Variants in PHACTR1 observed in about 807,000 individuals in gnomAD.
PHACTR1 encodes the protein phosphatase and actin regulator 1.
In PHACTR1, 16 loss-of-function variants were observed where a neutral mutation model predicts 69.2. That is an observed-to-expected ratio of 0.23 (90% CI 0.16 to 0.35). The LOEUF is 0.35. PHACTR1 is among the 10% of genes least tolerant of loss of function. PHACTR1 has a pLI of 1.00. For synonymous variants in PHACTR1, 312 were observed against 284.5 expected (o/e 1.10, Z -0.97); for missense variants, 510 against 734.7 (o/e 0.69, Z 3.54).
intron 4 of PHACTR1, among the ~76,000 whole-genome samples, chr6:12,869,749 C>T (rs1479903937): frequency 6.6e-6 from 1 of 152,218 alleles, no homozygotes; most frequent in Non-Finnish European, 1.5e-5. Flanking sequence ...TCTCTATCTT[C>T]TCTGTCTGTG....
intron 5 of PHACTR1, among the ~76,000 whole-genome samples, chr6:13,147,592 G>A (rs1314223019): frequency 6.6e-6 from 1 of 152,152 alleles, no homozygotes. Context: ...CTGCACTCTT[G>A]TCTGACCTAT....
intron 4 of PHACTR1, among the ~76,000 whole-genome samples, chr6:12,760,002 A>G (rs1287592400): frequency 6.6e-6 from 1 of 152,226 alleles, no homozygotes; most frequent in Non-Finnish European, 1.5e-5. Context: ...TATCTTACAG[A>G]GTTGTTCTAA....
intron 4 of PHACTR1, among the ~76,000 whole-genome samples, chr6:12,980,919 G>A (rs912013354): frequency 6.6e-6 from 1 of 152,138 alleles, no homozygotes; most frequent in Non-Finnish European, 1.5e-5. Context: ...TCATAGCTCC[G>A]CCTACTCTTC....
intron 5 of PHACTR1, among the ~76,000 whole-genome samples, chr6:13,123,597 C>G (rs961395372): frequency 1.1e-4 from 16 of 152,160 alleles, no homozygotes; most frequent in Non-Finnish European, 1.5e-4. Flanking sequence ...ATCTTTCATT[C>G]TTGCCGATTT....
intron 5 of PHACTR1, among the ~76,000 whole-genome samples, chr6:13,148,656 A>G (rs1383167895): frequency 6.6e-6 from 1 of 152,228 alleles, no homozygotes; most frequent in East Asian, 1.9e-4. Context: ...GTCAAGAGGA[A>G]AACAAGTAGG....
chr6:12,900,181 A>G (rs1785050513), intron 4 of PHACTR1, among the ~76,000 whole-genome samples: 1 of 152,102 alleles, frequency 6.6e-6, no homozygotes, highest in African/African-American at 2.4e-5. Context: ...TGGCCTCTTA[A>G]ATTGCTTGAA....
At chr6:13,041,970 G>A (rs1433676249) in intron 4 of PHACTR1, among the ~76,000 whole-genome samples, 6 of 152,098 alleles carry the variant, frequency 3.9e-5, no homozygotes, top group Non-Finnish European at 8.8e-5. Flanking sequence ...GATAAATTGT[G>A]TTTCATGGAA....
chr6:13,247,360 T>A (rs960173136), intron 10 of PHACTR1, among the ~76,000 whole-genome samples: 8 of 151,642 alleles, frequency 5.3e-5, no homozygotes, highest in African/African-American at 1.9e-4. Context: ...TGTGTGTGTG[T>A]GTGTGACGGA....
intron 4 of PHACTR1, among the ~76,000 whole-genome samples, chr6:12,944,471 A>C (rs78623828): frequency 0.014 from 2,200 of 152,318 alleles, 44 homozygotes; most frequent in African/African-American, 0.051. Context: ...TAAATTAGAA[A>C]CAAAATTAAT....
intron 5 of PHACTR1, among the ~76,000 whole-genome samples, chr6:13,126,644 C>T (rs1328301145): frequency 6.6e-6 from 1 of 152,208 alleles, no homozygotes; most frequent in Admixed American, 6.5e-5. Context: ...TAAATATCCA[C>T]CATGTGTTAA....
At chr6:12,882,184 A>G (rs972389867) in intron 4 of PHACTR1, among the ~76,000 whole-genome samples, 1 of 152,188 alleles carries the variant, frequency 6.6e-6, no homozygotes, top group African/African-American at 2.4e-5. Context: ...GAGTCTTCGC[A>G]TGGGAAACAG....
chr6:13,096,909 T>G (rs1814353173), intron 5 of PHACTR1, among the ~76,000 whole-genome samples: 1 of 152,166 alleles, frequency 6.6e-6, no homozygotes. Context: ...AGCTTTTAAT[T>G]GCATCTGTGT....
chr6:12,767,890 C>G (rs1295466119), intron 4 of PHACTR1, among the ~76,000 whole-genome samples: 4 of 152,088 alleles, frequency 2.6e-5, no homozygotes, highest in African/African-American at 7.2e-5. Context: ...TCTACCTGAA[C>G]AAGTGAATCA....
At chr6:13,183,152 A>G (rs1762403935) in intron 7 of PHACTR1, among the ~76,000 whole-genome samples, 2 of 152,188 alleles carry the variant, frequency 1.3e-5, no homozygotes, top group East Asian at 1.9e-4. Context: ...TAAACTGTAT[A>G]TAATTTACTG....
At chr6:12,750,958 G>A (rs1009312456) in intron 4 of PHACTR1, among the ~76,000 whole-genome samples, 6 of 150,740 alleles carry the variant, frequency 4.0e-5, no homozygotes, top group African/African-American at 1.5e-4. Context: ...TCTTGGAAAT[G>A]GGACTAAATC....
chr6:13,257,234 A>G (rs1775307526), intron 10 of PHACTR1, among the ~76,000 whole-genome samples: 1 of 152,170 alleles, frequency 6.6e-6, no homozygotes, highest in Non-Finnish European at 1.5e-5. Context: ...AGATCTCATG[A>G]GAACTCATTC....
rs1415534888 is a variant in PHACTR1 at position 13,179,706 on chromosome 6, A to AGATG, written c.497-2810_497-2809insGGAT. 5.7e-4 allele frequency among the ~76,000 whole-genome samples: 2 copies of AGATG among 3,504 alleles called. No individual in the cohort carries two copies. The highest frequency in any genetic ancestry group is 0.014 in the Non-Finnish European group (2 of 146). The allele number at this position is 3,504 out of a possible 152,430, so 2.3% of individuals were successfully genotyped here. A position where few individuals can be genotyped will look rare whatever the true frequency, so the allele number is the denominator to read the frequency against. Reference sequence around the variant, plus strand: ...GGTAGATAGATAAGTAGATAGAGATAGATAGATAGATAGATAGATAGATAG... The same window carrying AGATG: ...GGTAGATAGATAAGTAGATAGAGATAGATGGATAGATAGATAGATAGATAGATAG... On this transcript the variant is annotated intron_variant, in intron 6 of 14. Transcript: ENST00000332995. The surrounding 1 kb of genome is among the most constrained non-coding windows in gnomAD (Gnocchi z 4.2).
At chr6:13,192,591 A>G (rs983808126) in intron 7 of PHACTR1, among the ~76,000 whole-genome samples, 5 of 152,240 alleles carry the variant, frequency 3.3e-5, no homozygotes, top group Non-Finnish European at 5.9e-5. Flanking sequence ...TCAGCCAAGC[A>G]TGTCTCTCAA....
intron 10 of PHACTR1, among the ~76,000 whole-genome samples, chr6:13,238,536 C>T (rs547136729): frequency 6.6e-6 from 1 of 152,028 alleles, no homozygotes; most frequent in Admixed American, 6.5e-5. Flanking sequence ...TAATATGTAC[C>T]AAGGATTATG....
Sources: gnomAD v4.1 joint callset for allele counts (sites outside exome capture counted in the v4.1 genomes callset) on GRCh38, gnomAD v4.1.1 for gene constraint, Gnocchi (gnomAD v3.1) non-coding constraint, MANE v1.5 for transcripts, NCBI Gene and HGNC (gene_info 2026-07-23, HGNC 2026-07-21) for gene names.